The following SLC5A1 variants were observed in gnomAD, a reference collection of about 807,000 sequenced individuals.
SLC5A1 encodes the protein solute carrier family 5 member 1.
Under a neutral mutation model 73.5 loss-of-function variants are expected in SLC5A1, and 42 were observed. The observed-to-expected ratio is 0.57, with a 90% CI of 0.45 to 0.74. SLC5A1 has a LOEUF of 0.74. SLC5A1 is among the 30% of genes least tolerant of loss of function. The pLI is 0.00. For missense variants in SLC5A1, 634 were observed against 855.4 expected, an observed-to-expected ratio of 0.74 and a Z score of 3.23; for synonymous variants, 300 against 317.4, an observed-to-expected ratio of 0.95 and a Z score of 0.58.
At chr22:32,061,046 T>C (rs2093961795) in intron 2 of SLC5A1, among the ~76,000 whole-genome samples, 1 of 152,172 alleles carries the variant, frequency 6.6e-6, no homozygotes. Flanking sequence ...TCAATAGGTC[T>C]GGGTGGGTCA....
chr22:32,073,778 C>T (rs376499131), intron 5 of SLC5A1, among the ~76,000 whole-genome samples: 20 of 152,210 alleles, frequency 1.3e-4, no homozygotes, highest in East Asian at 7.7e-4. Flanking sequence ...AAGCTGGTCT[C>T]GAACTCCTGA....
chr22:32,079,367 G>A (rs994470168), intron 5 of SLC5A1, among the ~76,000 whole-genome samples: 9 of 152,214 alleles, frequency 5.9e-5, no homozygotes, highest in African/African-American at 2.2e-4. Flanking sequence ...ATTCACCAGG[G>A]AGGTTTCCTT....
chr22:32,110,058 C>A lies in SLC5A1; in HGVS notation c.1840C>A (p.Gln614Lys), dbSNP rs200070840. The A allele has an allele frequency of 6.2e-7, 1 of 1,613,934 alleles. No homozygotes were observed. The highest frequency in any genetic ancestry group is 1.7e-5 in the Admixed American group (1 of 59,988). Reference sequence around the variant, plus strand: ...CTATGACCTATTTTGTGGGCTAGAGCAGCACGGTGCACCCAAGATGACTGA... The same window carrying A: ...CTATGACCTATTTTGTGGGCTAGAGAAGCACGGTGCACCCAAGATGACTGA... ...RAYDLFCGLE[Q>K]HGAPKMTEEE... Residue 614 changes from glutamine (Q) to lysine (K), a missense_variant, in exon 15 of 15, where the codon CAG becomes AAG. Gln to Lys is a moderately conservative substitution (Grantham distance 53). Transcript: ENST00000266088.
At chr22:32,054,399 G>T (rs2093948914) in intron 2 of SLC5A1, among the ~76,000 whole-genome samples, 1 of 152,162 alleles carries the variant, frequency 6.6e-6, no homozygotes, top group Non-Finnish European at 1.5e-5. Context: ...TAATAGTTAA[G>T]TGCTCAGAAG....
chr22:32,091,461 C>T lies in SLC5A1; in HGVS notation c.1130-151C>T, dbSNP rs946513619. On this transcript the variant is annotated intron_variant, in intron 10 of 14. Transcript: ENST00000266088. The stretch of plus-strand genomic sequence containing the variant: ...TAATAAATTTAAAGCCATAGGACTA[C>T]TTCTTAAAGCTTCTAGTCTTTTTGG... 4.6e-6 allele frequency: 4 copies of T among 870,512 alleles called. No homozygotes were observed. The East Asian group carries it at 1.1e-4, about 23-fold the overall frequency. 53.9% of individuals were successfully genotyped at this position (870,512 alleles called of 1,614,324 possible).
chr22:32,068,688 A>G (rs1433490830), intron 5 of SLC5A1, 88 bp downstream of exon 5: 6 of 904,236 alleles, frequency 6.6e-6, no homozygotes, highest in African/African-American at 3.3e-5. Context: ...AGGCGGCTCT[A>G]TACATTTCTA....
At chr22:32,091,534 T>G in intron 10 of SLC5A1, 78 bp from the exon 11 acceptor site, 4 of 1,536,676 alleles carry the variant, frequency 2.6e-6, no homozygotes, top group South Asian at 1.1e-5. Flanking sequence ...CAAACAAATC[T>G]TGAGTCCTCA....
rs2094037747 is a variant in SLC5A1 at position 32,102,204 on chromosome 22, C to A, written c.1632C>A (p.Ile544=). The change falls in exon 13 of 15, where the codon ATC becomes ATA. Residue 544 remains isoleucine (I), a synonymous_variant. Transcript: ENST00000266088. ...TTTCTTTCATCACCATCGTGGTCATCTCCCTCCTCACCAAACCCATTCCGG... is the reference window on the plus strand; with the variant it reads ...TTTCTTTCATCACCATCGTGGTCATATCCCTCCTCACCAAACCCATTCCGG... The part of the protein sequence containing the change: ...FAISFITIVV[I]SLLTKPIPDV... 3 of 1,614,102 alleles carry A rather than the reference C, an allele frequency of 1.9e-6. No homozygotes were observed. The highest frequency in any genetic ancestry group is 8.5e-7 in the Non-Finnish European group (1 of 1,179,982).
intron 1 of SLC5A1, 130 bp from the exon 2 acceptor site, chr22:32,049,813 G>A: frequency 1.2e-6 from 1 of 802,196 alleles, no homozygotes; most frequent in Non-Finnish European, 2.2e-6. Flanking sequence ...TGCAGGGGAA[G>A]AAGGAATGTG....
chr22:32,086,406 A>G, intron 10 of SLC5A1, 79 bp downstream of exon 10: 2 of 958,288 alleles, frequency 2.1e-6, no homozygotes, highest in Admixed American at 3.5e-5. Context: ...CATTCCTGTG[A>G]ACCTTCTGGG....
chr22:32,062,765 T>C (rs1228492221), intron 2 of SLC5A1, among the ~76,000 whole-genome samples: 1 of 152,142 alleles, frequency 6.6e-6, no homozygotes, highest in Non-Finnish European at 1.5e-5. Context: ...GAAATTGGCA[T>C]GATGAACGCA....
chr22:32,064,370 C>T (rs934510158), intron 2 of SLC5A1, among the ~76,000 whole-genome samples: 4 of 152,010 alleles, frequency 2.6e-5, no homozygotes, highest in Admixed American at 2.0e-4. Context: ...GTGGTGCGCG[C>T]CTGTAGTCCC....
rs199536443 is a variant in SLC5A1 at position 32,084,664 on chromosome 22, C to T, written c.885+5C>T. ...TGGTACTGGTGCACAGATCAGGTAC[C>T]CAAGCTGGATGTGCGGGATGGACAG... On this transcript the variant is annotated splice_donor_5th_base_variant and intron_variant, in intron 8 of 14. Transcript: ENST00000266088. 3.4e-5 allele frequency: 54 copies of T among 1,611,078 alleles called. No homozygotes were observed. Among genetic ancestry groups the T allele is most frequent in the Non-Finnish European group, 4.6e-5 (54 of 1,177,342 alleles).
chr22:32,046,768 C>T (rs1238310571), intron 1 of SLC5A1, among the ~76,000 whole-genome samples: 3 of 152,160 alleles, frequency 2.0e-5, no homozygotes, highest in Non-Finnish European at 4.4e-5. Flanking sequence ...GAGATAGAAC[C>T]CAAGTAAACC....
chr22:32,098,975 A>G (rs1395532789), intron 11 of SLC5A1, among the ~76,000 whole-genome samples: 1 of 150,296 alleles, frequency 6.7e-6, no homozygotes, highest in African/African-American at 2.4e-5. Context: ...AGTCCCAGCT[A>G]CTCAGGAGGC....
At chr22:32,060,836 T>C (rs997762123) in intron 2 of SLC5A1, among the ~76,000 whole-genome samples, 7 of 152,072 alleles carry the variant, frequency 4.6e-5, no homozygotes, top group Admixed American at 1.3e-4. Flanking sequence ...TCCCAAAGTA[T>C]TGGTATTGCA....
intron 2 of SLC5A1, among the ~76,000 whole-genome samples, chr22:32,063,696 A>T (rs941873622): frequency 6.6e-6 from 1 of 152,002 alleles, no homozygotes; most frequent in Non-Finnish European, 1.5e-5. Flanking sequence ...TGGAAAGGAG[A>T]GAATAGAGAT....
chr22:32,066,994 G>T lies in SLC5A1; in HGVS notation c.267G>T (p.Gly89=). The T allele has an allele frequency of 1.2e-6, 2 of 1,613,850 alleles. No homozygotes were observed. Among genetic ancestry groups the T allele is most frequent in the South Asian group, 2.2e-5 (2 of 91,050 alleles). Residue 89 remains glycine (G), a synonymous_variant, in exon 3 of 15, where the codon GGG becomes GGT. Coordinates refer to ENST00000266088, the MANE Select transcript of SLC5A1 (RefSeq NM_000343.4). ...IGSGHFVGLA[G]TGAASGIAIG... ...GTGGCCACTTTGTGGGGCTGGCCGG[G>T]ACTGGGGCAGCTTCAGGCATCGCCA...
chr22:32,072,393 C>A (rs1349455633), intron 5 of SLC5A1, among the ~76,000 whole-genome samples: 1 of 152,152 alleles, frequency 6.6e-6, no homozygotes, highest in African/African-American at 2.4e-5. Context: ...AGGATGTAAT[C>A]TCATTCTTTT....
Sources: gnomAD v4.1 joint callset for allele counts (sites outside exome capture counted in the v4.1 genomes callset) on GRCh38, gnomAD v4.1.1 for gene constraint, MANE v1.5 for transcripts, NCBI Gene and HGNC (gene_info 2026-07-23, HGNC 2026-07-21) for gene names.